FLRT2: variants seen among roughly 807,000 people sequenced by gnomAD.
FLRT2 encodes the protein leucine-rich repeat transmembrane protein FLRT2.
Under a neutral mutation model 40.0 loss-of-function variants are expected in FLRT2, and 15 were observed. The ratio of observed to expected loss-of-function variants is 0.38; its 90% CI spans 0.25 to 0.58. The LOEUF is 0.58. Among genes scored for constraint, FLRT2 ranks in the 20% least tolerant of loss-of-function variants. The probability of loss-of-function intolerance (pLI) is 0.71; values close to 1 mark genes in which losing one functional copy is unlikely to be tolerated. For synonymous variants in FLRT2, 380 were observed against 336.8 expected, an observed-to-expected ratio of 1.13 and a Z score of -1.41; for missense variants, 726 against 840.0, an observed-to-expected ratio of 0.86 and a Z score of 1.68.
chr14:85,572,191 C>T (rs185157305), intron 1 of FLRT2, among the ~76,000 whole-genome samples: 141 of 152,238 alleles, frequency 9.3e-4, no homozygotes, highest in Admixed American at 2.4e-3. Flanking sequence ...CCTAGGATTT[C>T]CTTTTCTCTG....
chr14:85,648,973 C>T lies in FLRT2; in HGVS notation c.*25476C>T, dbSNP rs1566776015. On this transcript the variant is annotated 3_prime_UTR_variant, in exon 2 of 2. Coordinates refer to ENST00000330753, the MANE Select transcript of FLRT2 (RefSeq NM_013231.6). Reference sequence around the variant, plus strand: ...GAATTCACTGATCTATTATAATTTACCAATTCCTTTGCATCATAGCACCCA... The same window carrying T: ...GAATTCACTGATCTATTATAATTTATCAATTCCTTTGCATCATAGCACCCA... The T allele has an allele frequency of 6.6e-6, 1 of 152,062 alleles. No homozygotes were observed. The highest frequency in any genetic ancestry group is 1.5e-5 in the Non-Finnish European group (1 of 67,988). The allele number at this position is 152,062 out of a possible 1,614,324, so 9.4% of individuals were successfully genotyped here. A position where few individuals can be genotyped will look rare whatever the true frequency, so the allele number is the denominator to read the frequency against.
intron 1 of FLRT2, among the ~76,000 whole-genome samples, chr14:85,600,499 A>C (rs1212447572): frequency 6.6e-6 from 1 of 152,196 alleles, no homozygotes; most frequent in African/African-American, 2.4e-5. Flanking sequence ...ATGGTCAGAA[A>C]AAGGAAGACT....
At chr14:85,554,500 T>A (rs945333947) in intron 1 of FLRT2, among the ~76,000 whole-genome samples, 1 of 152,160 alleles carries the variant, frequency 6.6e-6, no homozygotes, top group Non-Finnish European at 1.5e-5. Flanking sequence ...TCTGTGTGGT[T>A]TGTGTACCTA....
intron 1 of FLRT2, among the ~76,000 whole-genome samples, chr14:85,597,962 A>T (rs1455252598): frequency 6.6e-6 from 1 of 152,204 alleles, no homozygotes. Flanking sequence ...AGTCAGAAAC[A>T]TAATTGTCTG....
rs1015851354 is a variant in FLRT2, at chr14:85,635,900, A to T, written c.*12403A>T. The T allele has an allele frequency of 6.6e-6, 1 of 152,102 alleles. No individual in the cohort carries two copies. The highest frequency in any genetic ancestry group is 6.5e-5 in the Admixed American group (1 of 15,270). The allele number at this position is 152,102 out of a possible 1,614,324, so 9.4% of individuals were successfully genotyped here. On this transcript the variant is annotated 3_prime_UTR_variant, in exon 2 of 2. Coordinates refer to ENST00000330753, the MANE Select transcript of FLRT2 (RefSeq NM_013231.6). ...AACACTAGCTTTATTTCATCACATC[A>T]TACACCTGAATGTAATCAACATTGC...
chr14:85,557,765 C>T (rs993449792), intron 1 of FLRT2, among the ~76,000 whole-genome samples: 20 of 152,090 alleles, frequency 1.3e-4, no homozygotes, highest in South Asian at 8.3e-4. Context: ...TGCAGTGAGC[C>T]GAGATTGCAC....
chr14:85,616,332 A>C (rs1402703919), intron 1 of FLRT2, among the ~76,000 whole-genome samples: 2 of 152,092 alleles, frequency 1.3e-5, no homozygotes, highest in East Asian at 3.8e-4. Flanking sequence ...AAAAAAAAAA[A>C]AACCCTTTTC....
chr14:85,578,021 A>G (rs115628510), intron 1 of FLRT2, among the ~76,000 whole-genome samples: 3,183 of 151,244 alleles, frequency 0.021, 113 homozygotes, highest in African/African-American at 0.072. Context: ...AAAGGGCCCA[A>G]TGTTTCTAAT....
At chr14:85,595,443 T>A (rs1261662645) in intron 1 of FLRT2, among the ~76,000 whole-genome samples, 7 of 114,554 alleles carry the variant, frequency 6.1e-5, no homozygotes, top group Admixed American at 2.8e-4. Context: ...AGCAGTAAGA[T>A]GTGAAAAAAA....
In FLRT2 at chr14:85,648,834, C is replaced by T. The variant is rs1894367568; in HGVS notation, c.*25337C>T. 1 of 152,032 alleles carries T rather than the reference C, an allele frequency of 6.6e-6. No homozygotes were observed. The highest frequency in any genetic ancestry group is 2.1e-4 in the South Asian group (1 of 4,808). The allele number at this position is 152,032 out of a possible 1,614,324, so 9.4% of individuals were successfully genotyped here. Reference sequence around the variant, plus strand: ...CTGCCTCCCATTAAGTTATAAGATCCAGGAATTTAATAATTTATTTTGATA... The same window carrying T: ...CTGCCTCCCATTAAGTTATAAGATCTAGGAATTTAATAATTTATTTTGATA... On this transcript the variant is annotated 3_prime_UTR_variant, in exon 2 of 2. Coordinates refer to ENST00000330753, the MANE Select transcript of FLRT2 (RefSeq NM_013231.6).
Position 85,625,788 on chromosome 14 carries a change from A to G in FLRT2, c.*2291A>G, listed in dbSNP as rs1595102589. 1 of 167,040 alleles carries G rather than the reference A, an allele frequency of 6.0e-6. No individual in the cohort carries two copies. The highest frequency in any genetic ancestry group is 2.4e-5 in the African/African-American group (1 of 41,434). The allele number at this position is 167,040 out of a possible 1,614,324, so 10.3% of individuals were successfully genotyped here. Reference sequence around the variant, plus strand: ...CTGTGTAGATAAAATTGTGCATTCAAATGATGGTACTTTGACTTTTGAGGG... The same window carrying G: ...CTGTGTAGATAAAATTGTGCATTCAGATGATGGTACTTTGACTTTTGAGGG... On this transcript the variant is annotated 3_prime_UTR_variant, in exon 2 of 2. Transcript: ENST00000330753.
rs978778823 is a variant in FLRT2, at chr14:85,643,104, A to C, written c.*19607A>C. 1 of 152,068 alleles carries C rather than the reference A, an allele frequency of 6.6e-6. No individual in the cohort carries two copies. The highest frequency in any genetic ancestry group is 1.5e-5 in the Non-Finnish European group (1 of 68,058). The allele number at this position is 152,068 out of a possible 1,614,324, so 9.4% of individuals were successfully genotyped here. A position where few individuals can be genotyped will look rare whatever the true frequency, so the allele number is the denominator to read the frequency against. On this transcript the variant is annotated 3_prime_UTR_variant, in exon 2 of 2. Coordinates refer to ENST00000330753, the MANE Select transcript of FLRT2 (RefSeq NM_013231.6). ...ATGAGGGCTCCACCCTTATGGATTA[A>C]TTGCCTCCCAAAGGCCTCATCTTCA...
At chr14:85,588,777 C>T (rs1413113886) in intron 1 of FLRT2, among the ~76,000 whole-genome samples, 1 of 152,094 alleles carries the variant, frequency 6.6e-6, no homozygotes, top group Non-Finnish European at 1.5e-5. Flanking sequence ...CCCTCAGTAC[C>T]CTTCCAGCCT....
chr14:85,572,197 C>T (rs923496941), intron 1 of FLRT2, among the ~76,000 whole-genome samples: 4 of 152,262 alleles, frequency 2.6e-5, no homozygotes, highest in Non-Finnish European at 5.9e-5. Context: ...ATTTCCTTTT[C>T]TCTGCTTATC....
chr14:85,623,572 C>A lies in FLRT2; in HGVS notation c.*75C>A. ...ACACTCGTGTGTGCACATAAAGACA[C>A]GCAGATTACATTTGATAAATGTTAC... On this transcript the variant is annotated 3_prime_UTR_variant, in exon 2 of 2. Transcript: ENST00000330753. 8.5e-7 allele frequency: 1 copy of A among 1,170,728 alleles called. No individual in the cohort carries two copies. The allele number at this position is 1,170,728 out of a possible 1,614,324, so 72.5% of individuals were successfully genotyped here. A position where few individuals can be genotyped will look rare whatever the true frequency, so the allele number is the denominator to read the frequency against.
At chr14:85,557,352 CT>C (rs1169753633) in intron 1 of FLRT2, among the ~76,000 whole-genome samples, 1 of 151,978 alleles carries the variant, frequency 6.6e-6, no homozygotes, top group African/African-American at 2.4e-5. Flanking sequence ...TGTAATACCT[CT>C]GCCGCACCTA....
At position 85,643,151 on chromosome 14, in the gene FLRT2, A is replaced by G. The variant is rs756923553; in HGVS notation, c.*19654A>G. 2 of 152,202 alleles carry G rather than the reference A, an allele frequency of 1.3e-5. No individual in the cohort carries two copies. Among genetic ancestry groups the G allele is most frequent in the Non-Finnish European group, 1.5e-5 (1 of 68,070 alleles). The allele number at this position is 152,202 out of a possible 1,614,324, so 9.4% of individuals were successfully genotyped here. On this transcript the variant is annotated 3_prime_UTR_variant, in exon 2 of 2. Coordinates refer to ENST00000330753, the MANE Select transcript of FLRT2 (RefSeq NM_013231.6). ...TTCAAACACTATTCCACTCGGGGCTAGGATGTCAACATATGAAATTTAGGG... is the reference window on the plus strand; with the variant it reads ...TTCAAACACTATTCCACTCGGGGCTGGGATGTCAACATATGAAATTTAGGG...
At chr14:85,595,967 C>T (rs1250623414) in intron 1 of FLRT2, among the ~76,000 whole-genome samples, 1 of 152,110 alleles carries the variant, frequency 6.6e-6, no homozygotes, top group African/African-American at 2.4e-5. Flanking sequence ...CTGTACAAGT[C>T]CCCTGGGGCA....
chr14:85,602,453 C>T (rs1003203938), intron 1 of FLRT2, among the ~76,000 whole-genome samples: 2 of 152,186 alleles, frequency 1.3e-5, no homozygotes, highest in African/African-American at 2.4e-5. Flanking sequence ...CACGCTGGAG[C>T]TCAAAGAACA....
Sources: gnomAD v4.1 joint callset for allele counts (sites outside exome capture counted in the v4.1 genomes callset) on GRCh38, gnomAD v4.1.1 for gene constraint, MANE v1.5 for transcripts, NCBI Gene and HGNC (gene_info 2026-07-23, HGNC 2026-07-21) for gene names.